POMT2: variants seen among roughly 807,000 people sequenced by gnomAD.
POMT2 encodes the protein protein O-mannosyltransferase 2.
POMT2 carries 75 observed loss-of-function variants against 100.0 expected under a neutral mutation model. The ratio of observed to expected loss-of-function variants is 0.75; its 90% CI spans 0.62 to 0.91. The LOEUF (loss-of-function observed/expected upper bound fraction) is 0.91, where lower values mean the gene tolerates loss of function less well. Ranked by LOEUF, POMT2 falls within the 40% of genes least tolerant of loss-of-function variation. The probability of loss-of-function intolerance (pLI) is 0.00; values close to 1 mark genes in which losing one functional copy is unlikely to be tolerated. For missense variants in POMT2, 940 were observed against 955.1 expected (o/e 0.98, Z 0.21); for synonymous variants, 378 against 374.1 (o/e 1.01, Z -0.12).
At chr14:77,320,231 C>T in intron 1 of POMT2, 1 of 806,294 alleles carries the variant, frequency 1.2e-6, no homozygotes. Flanking sequence ...TACTAAGAAT[C>T]CCACTGCCCC....
Position 77,278,460 on chromosome 14 carries a change from G to A in POMT2, c.2081C>T (p.Ser694Leu), listed in dbSNP as rs765061014. The A allele has an allele frequency of 9.3e-6, 14 of 1,507,068 alleles. No homozygotes were observed. The highest frequency in any genetic ancestry group is 1.2e-5 in the Non-Finnish European group (13 of 1,106,930). The allele number at this position is 1,507,068 out of a possible 1,614,324, so 93.4% of individuals were successfully genotyped here. The change falls in exon 20 of 21, where the codon TCA becomes TTA. Residue 694 changes from serine to leucine, a missense_variant. Coordinates refer to ENST00000261534, the MANE Select transcript of POMT2 (RefSeq NM_013382.7). ...ATGTATGCCCCTCGCCAGGGGCCAT[G>A]AGGCCAAGCCCCAGGCACAGAGCCG... The part of the protein sequence containing the change: ...LLRLCAWGLA[S>L]WPLARGIHVA...
chr14:77,310,932 A>G (rs60217077), intron 2 of POMT2, among the ~76,000 whole-genome samples: 4,374 of 152,298 alleles, frequency 0.029, 219 homozygotes, highest in African/African-American at 0.1. Context: ...TTGGGAGTTC[A>G]AGACCAGCCT....
rs761744826 is a variant in POMT2 at position 77,286,727 on chromosome 14, C to T, written c.1332+17G>A. On this transcript the variant is annotated intron_variant, in intron 12 of 20. Transcript: ENST00000261534. ...CATAACTTTTACGTCCTACTCACAT[C>T]CCCGTTGCTTACTTACTATGCCATA... 4 of 1,614,020 alleles carry T rather than the reference C, an allele frequency of 2.5e-6. No individual in the cohort carries two copies. The highest frequency in any genetic ancestry group is 2.7e-5 in the African/African-American group (2 of 74,916).
At chr14:77,303,963 C>T (rs1891141653) in intron 4 of POMT2, among the ~76,000 whole-genome samples, 1 of 152,110 alleles carries the variant, frequency 6.6e-6, no homozygotes, top group African/African-American at 2.4e-5. Flanking sequence ...ATGAAAAGTA[C>T]ATAAATGACT....
At chr14:77,308,349 T>G (rs1170342507) in intron 2 of POMT2, among the ~76,000 whole-genome samples, 1 of 109,586 alleles carries the variant, frequency 9.1e-6, no homozygotes, top group Non-Finnish European at 1.9e-5. Context: ...ATTGACAAAG[T>G]TTTTTTGTTT....
chr14:77,288,765 T>C lies in POMT2; in HGVS notation c.1250A>G (p.Lys417Arg), dbSNP rs147268052. Reference protein sequence around the residue: ...RHGDIIRLEHKETSRNLHSHY... With the variant: ...RHGDIIRLEHRETSRNLHSHY... ...TCCAAACTGCAAATTGACTTACTCT[T>C]TGTGTTCTAGTCGAATAATGTCTCC... Residue 417 changes from lysine (K) to arginine (R), a missense_variant, in exon 11 of 21, where the codon AAA becomes AGA. Lys to Arg is a conservative substitution (Grantham distance 26). Transcript: ENST00000261534. The C allele has an allele frequency of 1.3e-4, 208 of 1,613,652 alleles. 1 individual carries two copies. Among genetic ancestry groups the C allele is most frequent in the Middle Eastern group, 1.7e-4 (1 of 6,060 alleles).
chr14:77,277,810 A>ACAGGCCC (rs1890027228), intron 20 of POMT2, among the ~76,000 whole-genome samples: 1 of 152,210 alleles, frequency 6.6e-6, no homozygotes, highest in Non-Finnish European at 1.5e-5. Flanking sequence ...CTCACAGGCC[A>ACAGGCCC]CAGGCCCAGC....
intron 18 of POMT2, chr14:77,279,330 C>G (rs541832929): frequency 2.7e-6 from 1 of 368,056 alleles, no homozygotes; most frequent in African/African-American, 2.1e-5. Context: ...GGTGCTGTGG[C>G]CCATGGTCTG....
rs751314763 is a variant in POMT2 at position 77,291,393 on chromosome 14, T to TGGGGGGG, written c.1117-14_1117-13insCCCCCCC. ...AATAGGTGGTGACCTGGGTGGGGGG[T>TGGGGGGG]GGGGGCGGAGGGAAGAGGAAGCAGG... On this transcript the variant is annotated splice_polypyrimidine_tract_variant and intron_variant, in intron 9 of 20. Transcript: ENST00000261534. The TGGGGGGG allele has an allele frequency of 8.9e-6, 4 of 449,310 alleles. No homozygotes were observed. Among genetic ancestry groups the TGGGGGGG allele is most frequent in the South Asian group, 1.8e-5 (1 of 56,086 alleles). 27.8% of individuals were successfully genotyped at this position (449,310 alleles called of 1,614,324 possible).
intron 1 of POMT2, among the ~76,000 whole-genome samples, chr14:77,313,963 C>T (rs1471265352): frequency 6.6e-6 from 1 of 152,176 alleles, no homozygotes; most frequent in Non-Finnish European, 1.5e-5. Flanking sequence ...CCTGCCTCAG[C>T]CCCCCAAAGT....
chr14:77,280,305 C>G, intron 16 of POMT2, 87 bp downstream of exon 16: 2 of 1,597,138 alleles, frequency 1.3e-6, no homozygotes, highest in Non-Finnish European at 1.7e-6. Flanking sequence ...CCCTGCCGCC[C>G]TAGTACACCC....
chr14:77,294,040 A>G (rs1313623141), intron 9 of POMT2, among the ~76,000 whole-genome samples: 1 of 152,248 alleles, frequency 6.6e-6, no homozygotes, highest in Admixed American at 6.5e-5. Flanking sequence ...ATCCTAGATC[A>G]ATTAAATCAT....
intron 11 of POMT2, chr14:77,287,244 C>T (rs1035681246): frequency 1.5e-5 from 3 of 196,860 alleles, no homozygotes; most frequent in African/African-American, 4.7e-5. Flanking sequence ...CTTTCTGCTC[C>T]CATCGCCAGA....
At position 77,298,836 on chromosome 14, in the gene POMT2, C is replaced by T. The variant is rs1250728974; in HGVS notation, c.924-65G>A. The T allele has an allele frequency of 1.6e-5, 22 of 1,400,548 alleles. No homozygotes were observed. In the East Asian group the frequency reaches 1.9e-4, roughly 12 times the overall value. 86.8% of individuals were successfully genotyped at this position (1,400,548 alleles called of 1,614,324 possible). A position where few individuals can be genotyped will look rare whatever the true frequency, so the allele number is the denominator to read the frequency against. On this transcript the variant is annotated intron_variant, in intron 7 of 20. Transcript: ENST00000261534. ...GAGTGAAAGTGTGATTTCCCAGGAG[C>T]GCTGGGAAGAGCTCTGCTCAGATAG...
chr14:77,301,061 A>T, intron 6 of POMT2, 29 bp downstream of exon 6: 1 of 1,613,568 alleles, frequency 6.2e-7, no homozygotes, highest in Non-Finnish European at 8.5e-7. Context: ...GAGCAAAAAC[A>T]TTTCCACAGC....
intron 1 of POMT2, among the ~76,000 whole-genome samples, chr14:77,317,463 T>C (rs766602437): frequency 2.2e-4 from 34 of 152,226 alleles, no homozygotes; most frequent in Non-Finnish European, 4.1e-4. Flanking sequence ...CACCCAACAG[T>C]GTCAACAGTC....
In POMT2 at chr14:77,284,105, T is replaced by G. The variant is rs1268615346; in HGVS notation, c.1577-232A>C. On this transcript the variant is annotated intron_variant, in intron 14 of 20. Transcript: ENST00000261534. ...AAATAGACAACAAGGTTTCACCTGC[T>G]TGGTGCTCCAACAGCTCCCAGCACC... The G allele has an allele frequency of 7.2e-6, 4 of 552,256 alleles. No homozygotes were observed. The African/African-American group carries it at 7.5e-5, about 10-fold the overall frequency. The allele number at this position is 552,256 out of a possible 1,614,324, so 34.2% of individuals were successfully genotyped here.
rs777481709 is a variant in POMT2 at position 77,301,252 on chromosome 14, GA to G, written c.657-4del. On this transcript the variant is annotated splice_polypyrimidine_tract_variant and splice_region_variant and intron_variant, in intron 5 of 20. Transcript: ENST00000261534. ...ACCACCAGGGGGCAGAGAAGGGCCT[GA>G]AAATCAACAAGACGGAGTTCAATTT... 2 of 1,614,146 alleles carry G rather than the reference GA, an allele frequency of 1.2e-6. No individual in the cohort carries two copies. The highest frequency in any genetic ancestry group is 1.7e-6 in the Non-Finnish European group (2 of 1,180,016).
chr14:77,288,649 C>G, intron 11 of POMT2, 113 bp downstream of exon 11: 1 of 895,096 alleles, frequency 1.1e-6, no homozygotes. Context: ...GCACTGTGGC[C>G]TTGCTCCATT....
Sources: gnomAD v4.1 joint callset for allele counts (sites outside exome capture counted in the v4.1 genomes callset) on GRCh38, gnomAD v4.1.1 for gene constraint, MANE v1.5 for transcripts, NCBI Gene and HGNC (gene_info 2026-07-23, HGNC 2026-07-21) for gene names.